The following TAS2R1 variants were observed in gnomAD, a reference collection of about 807,000 sequenced individuals.
TAS2R1 encodes the protein taste 2 receptor member 1.
For missense variants in TAS2R1, 370 were observed against 353.4 expected (o/e 1.05, Z -0.38); for synonymous variants, 141 against 134.2 (o/e 1.05, Z -0.35).
the TAS2R1 span, among the ~76,000 whole-genome samples, chr5:9,735,404 T>C: frequency 6.6e-6 from 1 of 151,592 alleles, no homozygotes; most frequent in African/African-American, 2.4e-5. Context: ...TATCACATAC[T>C]GACAAGATAA....
chr5:9,870,668 A>C, the TAS2R1 span, among the ~76,000 whole-genome samples: 9 of 152,234 alleles, frequency 5.9e-5, no homozygotes, highest in Non-Finnish European at 1.2e-4. Flanking sequence ...AAAGTATTAT[A>C]AATGTGATTG....
chr5:9,808,027 CTTT>C, the TAS2R1 span, among the ~76,000 whole-genome samples: 1 of 152,058 alleles, frequency 6.6e-6, no homozygotes, highest in Non-Finnish European at 1.5e-5. Context: ...GTGAAAGCAG[CTTT>C]AGAACTGGTA....
the TAS2R1 span, among the ~76,000 whole-genome samples, chr5:9,780,217 C>T: frequency 2.6e-5 from 4 of 151,930 alleles, no homozygotes; most frequent in Non-Finnish European, 5.9e-5. Context: ...TGCCCCTGTA[C>T]AGCAATTCTC....
chr5:9,660,056 C>CTTTTT (rs1171409076), intron 1 of TAS2R1: 1 of 123,116 alleles, frequency 8.1e-6, no homozygotes, highest in African/African-American at 3.1e-5. Flanking sequence ...TGAAATATTT[C>CTTTTT]TTTTTTTTTT....
chr5:9,774,282 C>G, the TAS2R1 span, among the ~76,000 whole-genome samples: 2 of 152,160 alleles, frequency 1.3e-5, no homozygotes, highest in African/African-American at 4.8e-5. Context: ...GTAATTATTT[C>G]AGTCTCTTTG....
chr5:9,822,338 AT>A, the TAS2R1 span, among the ~76,000 whole-genome samples: 1 of 143,348 alleles, frequency 7.0e-6, no homozygotes, highest in Non-Finnish European at 1.5e-5. Flanking sequence ...TAATGTATGC[AT>A]GTGTAATTTT....
chr5:9,865,858 C>T, the TAS2R1 span, among the ~76,000 whole-genome samples: 10 of 152,186 alleles, frequency 6.6e-5, no homozygotes, highest in Non-Finnish European at 1.3e-4. Context: ...TCAAAAATGA[C>T]AGTGATATGC....
the TAS2R1 span, among the ~76,000 whole-genome samples, chr5:9,902,333 C>T: frequency 5.3e-5 from 8 of 151,966 alleles, no homozygotes; most frequent in Admixed American, 4.6e-4. Flanking sequence ...TTGGTTCTTC[C>T]CAGAGGGCTG....
chr5:9,859,579 C>T, the TAS2R1 span, among the ~76,000 whole-genome samples: 1 of 152,212 alleles, frequency 6.6e-6, no homozygotes, highest in African/African-American at 2.4e-5. Context: ...TGTAATCTAA[C>T]TGTCTGGGGA....
At chr5:9,888,767 G>A in the TAS2R1 span, among the ~76,000 whole-genome samples, 12 of 152,208 alleles carry the variant, frequency 7.9e-5, no homozygotes, top group Non-Finnish European at 1.5e-4. Flanking sequence ...GGACAGGGAG[G>A]GGATGACTCA....
chr5:9,729,700 A>G, the TAS2R1 span, among the ~76,000 whole-genome samples: 1 of 152,198 alleles, frequency 6.6e-6, no homozygotes, highest in Non-Finnish European at 1.5e-5. Context: ...TAAGGCACAA[A>G]CATGCCTTTA....
At chr5:9,744,364 C>T in the TAS2R1 span, among the ~76,000 whole-genome samples, 166 of 152,202 alleles carry the variant, frequency 1.1e-3, no homozygotes, top group East Asian at 0.014. Context: ...TAAGTGGACA[C>T]GTTCATTAGT....
At chr5:9,900,053 T>C in the TAS2R1 span, among the ~76,000 whole-genome samples, 91 of 152,278 alleles carry the variant, frequency 6.0e-4, no homozygotes, top group African/African-American at 2.1e-3. Context: ...AAGGAAATGT[T>C]TAGTTTCATA....
the TAS2R1 span, among the ~76,000 whole-genome samples, chr5:9,813,573 G>T: frequency 6.6e-6 from 1 of 152,130 alleles, no homozygotes; most frequent in Non-Finnish European, 1.5e-5. Context: ...CCTCTGGACT[G>T]TTACAGAACA....
chr5:9,763,783 G>C, the TAS2R1 span, among the ~76,000 whole-genome samples: 1 of 152,196 alleles, frequency 6.6e-6, no homozygotes, highest in Non-Finnish European at 1.5e-5. Flanking sequence ...CCGGGATGGG[G>C]CCTTAGACTC....
intron 1 of TAS2R1, among the ~76,000 whole-genome samples, chr5:9,688,664 T>A (rs1345298938): frequency 6.6e-6 from 1 of 152,172 alleles, no homozygotes. Flanking sequence ...CCAGCACCTC[T>A]AGCTTATTCC....
At chr5:9,752,831 G>C in the TAS2R1 span, among the ~76,000 whole-genome samples, 1 of 152,008 alleles carries the variant, frequency 6.6e-6, no homozygotes, top group Non-Finnish European at 1.5e-5. Flanking sequence ...AGTTTGCTGA[G>C]ACTGATGGTT....
chr5:9,662,972 T>G (rs1365303544), intron 1 of TAS2R1, among the ~76,000 whole-genome samples: 3 of 152,224 alleles, frequency 2.0e-5, no homozygotes, highest in Admixed American at 2.0e-4. Flanking sequence ...TCTTTGTAAT[T>G]CAAAGCTGTG....
intron 2 of TAS2R1, among the ~76,000 whole-genome samples, chr5:9,644,557 C>T (rs138647483): frequency 3.9e-4 from 60 of 152,184 alleles, no homozygotes; most frequent in East Asian, 1.5e-3. Flanking sequence ...GCTCCTGAGA[C>T]GGCTACTGCA....
Sources: gnomAD v4.1 joint callset for allele counts (sites outside exome capture counted in the v4.1 genomes callset) on GRCh38, gnomAD v4.1.1 for gene constraint, MANE v1.5 for transcripts, NCBI Gene and HGNC (gene_info 2026-07-23, HGNC 2026-07-21) for gene names.